The following NLRP13 variants were observed in gnomAD, a reference collection of about 807,000 sequenced individuals.
NLRP13 encodes the protein NLR family pyrin domain containing 13, also known as NACHT, LRR and PYD domains-containing protein 13.
A neutral mutation model predicts 94.4 loss-of-function variants in NLRP13; 82 were observed. The observed-to-expected ratio is 0.87, with a 90% CI of 0.73 to 1.04. NLRP13 has a LOEUF of 1.04. Among genes scored for constraint, NLRP13 ranks in the 50% least tolerant of loss-of-function variants. NLRP13 has a pLI of 0.00. For missense variants in NLRP13, 1,426 were observed against 1,230.8 expected (o/e 1.16, Z -2.37); for synonymous variants, 553 against 464.7 (o/e 1.19, Z -2.45).
At chr19:55,920,030 C>T (rs184287580) in intron 4 of NLRP13, among the ~76,000 whole-genome samples, 1 of 152,036 alleles carries the variant, frequency 6.6e-6, no homozygotes, top group Non-Finnish European at 1.5e-5. Flanking sequence ...AAGCTATATA[C>T]CTACAGCTAG....
At chr19:55,924,764 T>C in intron 2 of NLRP13, 106 bp from the exon 3 acceptor site, 1 of 981,492 alleles carries the variant, frequency 1.0e-6, no homozygotes, top group Non-Finnish European at 1.6e-6. Flanking sequence ...GCAAACGGGA[T>C]TGAAGAGACT....
At chr19:55,903,666 A>C (rs771337818) in intron 8 of NLRP13, among the ~76,000 whole-genome samples, 23 of 152,122 alleles carry the variant, frequency 1.5e-4, no homozygotes, top group Non-Finnish European at 4.4e-5. Flanking sequence ...CCTGCATTGG[A>C]GAATGGTCCC....
chr19:55,905,048 G>C lies in NLRP13; in HGVS notation c.2512C>G (p.Gln838Glu), dbSNP rs750344108. The C allele has an allele frequency of 2.5e-6, 4 of 1,613,804 alleles. No homozygotes were observed. In the South Asian group the frequency reaches 3.3e-5, roughly 13 times the overall value. Residue 838 changes from glutamine to glutamate, a missense_variant, in exon 8 of 11, where the codon CAA becomes GAA. Physicochemically the swap from Gln to Glu is conservative, Grantham distance 29. Coordinates refer to ENST00000342929, the MANE Select transcript of NLRP13 (RefSeq NM_176810.2). ...CCCAGGCACAATCGAGTTACGTGTTGGATGCTGGTGAGAAACAAGGCTAGG... is the reference window on the plus strand; with the variant it reads ...CCCAGGCACAATCGAGTTACGTGTTCGATGCTGGTGAGAAACAAGGCTAGG... The part of the protein sequence containing the change: ...QDLALFLTSI[Q>E]HVTRLCLGFN...
intron 2 of NLRP13, 70 bp downstream of exon 2, chr19:55,924,897 G>C: frequency 7.8e-7 from 1 of 1,277,274 alleles, no homozygotes; most frequent in Non-Finnish European, 1.1e-6. Context: ...AGTAGGCAGC[G>C]GATGTGGACC....
intron 5 of NLRP13, 136 bp from the exon 6 acceptor site, chr19:55,910,869 C>A (rs571937120): frequency 3.6e-5 from 27 of 754,998 alleles, no homozygotes; most frequent in Middle Eastern, 8.2e-4. Context: ...TGCAGTGGCT[C>A]ACGCCTGTAA....
downstream of NLRP13, among the ~76,000 whole-genome samples, chr19:55,892,900 T>C (rs2123093749): frequency 6.6e-6 from 1 of 152,266 alleles, no homozygotes; most frequent in East Asian, 1.9e-4. Flanking sequence ...TACTCCATGG[T>C]GTATGTGGAC....
rs111673619 is a variant in NLRP13, at chr19:55,931,925, C to T, written c.319+68G>A. ...CAGTGTGGAATGACCCCACAAAAAC[C>T]CAGCGGCTACCTCCTTGCCTCAGGA... is the stretch of plus-strand genomic sequence containing the variant. On this transcript the variant is annotated intron_variant, in intron 1 of 10. Transcript: ENST00000342929. The T allele has an allele frequency of 1.5e-3, 2,204 of 1,449,788 alleles. 39 individuals are homozygous for T. In the African/African-American group the frequency reaches 0.027, roughly 17 times the overall value. 89.8% of individuals were successfully genotyped at this position (1,449,788 alleles called of 1,614,324 possible).
At chr19:55,913,408 G>A in intron 4 of NLRP13, 115 bp from the exon 5 acceptor site, 1 of 1,198,686 alleles carries the variant, frequency 8.3e-7, no homozygotes, top group Non-Finnish European at 1.2e-6. Context: ...TGCCTTCCAG[G>A]ATTTTGTGGG....
At chr19:55,929,655 A>C (rs555912952) in intron 1 of NLRP13, among the ~76,000 whole-genome samples, 1 of 152,306 alleles carries the variant, frequency 6.6e-6, no homozygotes, top group South Asian at 2.1e-4. Context: ...GGATAGTATT[A>C]GAAGAAATAC....
chr19:55,925,118 A>G (rs1479299409), intron 1 of NLRP13, 83 bp from the exon 2 acceptor site: 15 of 1,226,340 alleles, frequency 1.2e-5, no homozygotes, highest in East Asian at 4.7e-5. Flanking sequence ...AGTAGAACCA[A>G]CTCCTTCTAT....
chr19:55,918,213 G>T (rs1396881598), intron 4 of NLRP13, among the ~76,000 whole-genome samples: 1 of 140,452 alleles, frequency 7.1e-6, no homozygotes, highest in Non-Finnish European at 1.5e-5. Context: ...TGAAACTAAT[G>T]AAAATGGAGA....
intron 9 of NLRP13, among the ~76,000 whole-genome samples, chr19:55,900,053 T>C (rs1568686977): frequency 6.6e-6 from 1 of 151,868 alleles, no homozygotes; most frequent in Admixed American, 6.6e-5. Flanking sequence ...TCAAATATTG[T>C]CACCACAAAA....
At chr19:55,896,847 G>GAAAAAAA (rs1986030928) in intron 10 of NLRP13, among the ~76,000 whole-genome samples, 1 of 119,348 alleles carries the variant, frequency 8.4e-6, no homozygotes. Flanking sequence ...AAAAAAAAAT[G>GAAAAAAA]GAAAAGAGTG....
rs765091407 is a variant in NLRP13 at position 55,898,750 on chromosome 19, G to A, written c.2957+20C>T. On this transcript the variant is annotated intron_variant, in intron 10 of 10. Transcript: ENST00000342929. ...AGAGTAGAGAAGGAAGACTCTGCAA[G>A]GAGAACAGCATCAACTCACCCAAGT... 1.1e-5 allele frequency: 17 copies of A among 1,582,880 alleles called. No homozygotes were observed. Among genetic ancestry groups the A allele is most frequent in the Admixed American group, 1.8e-5 (1 of 55,174 alleles).
intron 4 of NLRP13, among the ~76,000 whole-genome samples, chr19:55,920,876 A>C (rs924958891): frequency 6.6e-6 from 1 of 152,158 alleles, no homozygotes; most frequent in Non-Finnish European, 1.5e-5. Context: ...ATGACTGGAT[A>C]AAGAAAATGT....
chr19:55,901,244 G>C (rs1012369541), intron 9 of NLRP13, among the ~76,000 whole-genome samples: 1 of 152,188 alleles, frequency 6.6e-6, no homozygotes, highest in South Asian at 2.1e-4. Context: ...CCGTCGCCAC[G>C]AGAGCACATA....
downstream of NLRP13, chr19:55,895,874 A>G (rs1269731075): frequency 2.0e-6 from 3 of 1,517,288 alleles, no homozygotes; most frequent in African/African-American, 4.1e-5. Context: ...GAAACCTGAC[A>G]CATGCTCTAG....
chr19:55,898,198 TTG>T (rs1293556550), intron 10 of NLRP13, among the ~76,000 whole-genome samples: 1 of 54,334 alleles, frequency 1.8e-5, no homozygotes, highest in East Asian at 2.4e-3. Context: ...AGGAGAGTTT[TTG>T]TTTTTGTTTT....
intron 10 of NLRP13, among the ~76,000 whole-genome samples, chr19:55,898,381 C>A (rs562702853): frequency 1.3e-5 from 2 of 152,014 alleles, no homozygotes; most frequent in East Asian, 1.9e-4. Context: ...AGCTAATTTT[C>A]GTATTTTTAG....
Sources: gnomAD v4.1 joint callset for allele counts (sites outside exome capture counted in the v4.1 genomes callset) on GRCh38, gnomAD v4.1.1 for gene constraint, MANE v1.5 for transcripts, NCBI Gene and HGNC (gene_info 2026-07-23, HGNC 2026-07-21) for gene names.